Variants in FANCB observed in about 807,000 individuals in gnomAD.
FANCB encodes Fanconi anemia group B protein.
A neutral mutation model predicts 38.9 loss-of-function variants in FANCB; 5 were observed. The ratio of observed to expected loss-of-function variants is 0.13; its 90% CI spans 0.07 to 0.27. FANCB has a LOEUF of 0.27. Ranked by LOEUF, FANCB falls within the 10% of genes least tolerant of loss-of-function variation. The pLI is 1.00. For synonymous variants in FANCB, 236 were observed against 215.4 expected (o/e 1.10, Z -0.84); for missense variants, 573 against 602.7 (o/e 0.95, Z 0.52).
intron 6 of FANCB, among the ~76,000 whole-genome samples, chrX:14,852,231 C>T (rs1446405509): frequency 9.4e-6 from 1 of 106,425 alleles, no homozygotes; most frequent in African/African-American, 3.5e-5. Flanking sequence ...TGCAATGGCG[C>T]GATCTCAGCT....
At position 14,844,485 on chromosome X, in the gene FANCB, C is replaced by T; in HGVS notation, c.2165+18G>A. On this transcript the variant is annotated intron_variant, in intron 9 of 9. Transcript: ENST00000650831. ...CACACTCACTTCTCTGGACCAATTA[C>T]AATTTAATATGCATTACCTGGAATA... is the stretch of plus-strand genomic sequence containing the variant. The T allele has an allele frequency of 1.8e-6, 2 of 1,104,997 alleles. No individual in the cohort carries two copies. The highest frequency in any genetic ancestry group is 2.5e-6 in the Non-Finnish European group (2 of 798,223). The allele number at this position is 1,104,997 out of a possible 1,213,427, so 91.1% of individuals were successfully genotyped here.
chrX:14,846,149 G>A (rs2092376120), intron 7 of FANCB, among the ~76,000 whole-genome samples: 1 of 111,401 alleles, frequency 9.0e-6, no homozygotes, highest in South Asian at 3.7e-4. Flanking sequence ...ACAGAGAATT[G>A]GGATTATCAA....
chrX:14,850,463 CTG>C, intron 7 of FANCB, 40 bp downstream of exon 7: 1 of 1,047,120 alleles, frequency 9.5e-7, no homozygotes, highest in Middle Eastern at 2.7e-4. Flanking sequence ...CAGTACTGTT[CTG>C]GAGCATCAAG....
the FANCB span, among the ~76,000 whole-genome samples, chrX:14,724,626 C>CA: frequency 0.014 from 684 of 49,546 alleles, 27 homozygotes; most frequent in East Asian, 0.046. Context: ...AACTCTGTCT[C>CA]AAAAAAAAAA....
the FANCB span, among the ~76,000 whole-genome samples, chrX:14,737,898 A>G: frequency 8.9e-6 from 1 of 111,957 alleles, no homozygotes; most frequent in Non-Finnish European, 1.9e-5. Flanking sequence ...TGAGGCTAAC[A>G]TGCCTCCCAA....
chrX:14,865,368 A>G lies in FANCB; in HGVS notation c.143T>C (p.Met48Thr). 1 of 1,203,600 alleles carries G rather than the reference A, an allele frequency of 8.3e-7. No individual in the cohort carries two copies. The highest frequency in any genetic ancestry group is 1.1e-6 in the Non-Finnish European group (1 of 890,841). Residue 48 changes from methionine (M) to threonine (T), a missense_variant, in exon 3 of 10, where the codon ATG becomes ACG. By Grantham distance (81) the Met-to-Thr change is moderately conservative (BLOSUM62 -1). Coordinates refer to ENST00000650831, the MANE Select transcript of FANCB (RefSeq NM_001018113.3). ...TKTPILHVRR[M>T]VFDRGTKVFV... ...TACTTTTGTTCCTCTGTCAAATACC[A>G]TTCTTCTGACATGTAATATGGGTGT...
the FANCB span, among the ~76,000 whole-genome samples, chrX:14,719,292 A>G: frequency 8.9e-6 from 1 of 112,209 alleles, no homozygotes; most frequent in African/African-American, 3.2e-5. Context: ...AGACACTTTC[A>G]AACTCTTCAT....
the FANCB span, among the ~76,000 whole-genome samples, chrX:14,704,713 T>G: frequency 8.9e-6 from 1 of 112,008 alleles, no homozygotes; most frequent in Non-Finnish European, 1.9e-5. Flanking sequence ...GACCCCTGCC[T>G]TCTTAGTTTT....
At chrX:14,699,933 C>T in the FANCB span, among the ~76,000 whole-genome samples, 36 of 111,790 alleles carry the variant, frequency 3.2e-4, no homozygotes, top group African/African-American at 1.1e-3. Context: ...ATGATGAGAA[C>T]GCAGGGACAC....
chrX:14,717,684 C>T, the FANCB span, among the ~76,000 whole-genome samples: 38 of 97,814 alleles, frequency 3.9e-4, no homozygotes, highest in Non-Finnish European at 5.7e-4. Context: ...ATATGGAGTA[C>T]ATCATGAATT....
chrX:14,835,311 G>GA, downstream of FANCB: 1 of 483,220 alleles, frequency 2.1e-6, no homozygotes. Flanking sequence ...CATGTCCATC[G>GA]AATCTTCCAT....
the FANCB span, among the ~76,000 whole-genome samples, chrX:14,790,344 T>C: frequency 9.0e-6 from 1 of 111,619 alleles, no homozygotes; most frequent in South Asian, 3.7e-4. Context: ...AGGAATTAAG[T>C]GTGTGGTGGG....
chrX:14,757,864 C>T, the FANCB span, among the ~76,000 whole-genome samples: 1 of 111,664 alleles, frequency 9.0e-6, no homozygotes, highest in East Asian at 2.8e-4. Flanking sequence ...GGAGTGCAGA[C>T]ACAGCACAGA....
At chrX:14,759,855 C>T in the FANCB span, among the ~76,000 whole-genome samples, 2 of 110,509 alleles carry the variant, frequency 1.8e-5, no homozygotes, top group African/African-American at 6.6e-5. Context: ...GGAATAGTAC[C>T]TCACATCTCA....
chrX:14,817,167 CGGCCATTTGGAAAGA>C, the FANCB span, among the ~76,000 whole-genome samples: 3 of 111,091 alleles, frequency 2.7e-5, no homozygotes, highest in African/African-American at 6.6e-5. Context: ...CTGAGAAACT[CGGCCATTTGGAAAGA>C]GGCTGGAAAC....
chrX:14,868,672 G>A (rs769768767), intron 2 of FANCB, among the ~76,000 whole-genome samples: 1 of 111,294 alleles, frequency 9.0e-6, no homozygotes, highest in African/African-American at 3.3e-5. Context: ...GTGTCCTATT[G>A]CACAGTAGGG....
the FANCB span, among the ~76,000 whole-genome samples, chrX:14,810,998 TG>T: frequency 2.7e-5 from 3 of 111,409 alleles, no homozygotes; most frequent in Non-Finnish European, 5.7e-5. Context: ...CAGAAGAAAG[TG>T]GGGGCCAATA....
the FANCB span, among the ~76,000 whole-genome samples, chrX:14,761,879 G>A: frequency 7.2e-5 from 8 of 111,373 alleles, no homozygotes; most frequent in South Asian, 2.7e-3. Flanking sequence ...TAGGCATTAA[G>A]TGGGAAAAAA....
At chrX:14,829,932 T>G in the FANCB span, among the ~76,000 whole-genome samples, 1 of 112,397 alleles carries the variant, frequency 8.9e-6, no homozygotes, top group African/African-American at 3.2e-5. Flanking sequence ...AAGCCTAGCT[T>G]TTAGCTTATC....
Sources: allele counts gnomAD v4.1 joint callset (sites outside exome capture counted in the v4.1 genomes callset), GRCh38; gene constraint gnomAD v4.1.1; transcripts MANE v1.5; gene names NCBI Gene and HGNC (gene_info 2026-07-23, HGNC 2026-07-21).